The following SUGCT variants were observed in gnomAD, a reference collection of about 807,000 sequenced individuals.
SUGCT encodes succinyl-CoA:glutarate-CoA transferase.
In SUGCT, 41 loss-of-function variants were observed where a neutral mutation model predicts 55.0. The ratio of observed to expected loss-of-function variants is 0.74; its 90% CI spans 0.58 to 0.97. SUGCT has a LOEUF of 0.97. Among genes scored for constraint, SUGCT ranks in the 50% least tolerant of loss-of-function variants. The pLI, the probability that SUGCT is intolerant of heterozygous loss-of-function variation, is 0.00. For synonymous variants in SUGCT, 187 were observed against 200.4 expected, an observed-to-expected ratio of 0.93 and a Z score of 0.56; for missense variants, 568 against 547.8, an observed-to-expected ratio of 1.04 and a Z score of -0.37.
the SUGCT span, among the ~76,000 whole-genome samples, chr7:40,951,609 C>G: frequency 1.3e-5 from 2 of 152,084 alleles, no homozygotes; most frequent in African/African-American, 4.8e-5. Context: ...AAATTTCCCT[C>G]TACACACTTC....
chr7:40,952,822 A>T, the SUGCT span, among the ~76,000 whole-genome samples: 50,605 of 152,006 alleles, frequency 0.33, 9,144 homozygotes, highest in Admixed American at 0.45. Context: ...TGACAGATCC[A>T]CTGTTAGTCT....
chr7:40,806,643 C>A (rs1791108416), intron 13 of SUGCT, among the ~76,000 whole-genome samples: 1 of 152,130 alleles, frequency 6.6e-6, no homozygotes, highest in Non-Finnish European at 1.5e-5. Context: ...AAATCAGGTT[C>A]TAATTTCCAC....
At chr7:40,839,188 T>C (rs1793149893) in intron 13 of SUGCT, among the ~76,000 whole-genome samples, 1 of 152,166 alleles carries the variant, frequency 6.6e-6, no homozygotes, top group Non-Finnish European at 1.5e-5. Context: ...CATAAGATTA[T>C]GAGATATGTT....
chr7:41,010,482 C>T, the SUGCT span, among the ~76,000 whole-genome samples: 2 of 152,226 alleles, frequency 1.3e-5, no homozygotes, highest in African/African-American at 4.8e-5. Flanking sequence ...TGTTCCTTCT[C>T]TGTAGACCAG....
At chr7:40,267,356 G>A (rs1387001108) in intron 7 of SUGCT, among the ~76,000 whole-genome samples, 1 of 152,052 alleles carries the variant, frequency 6.6e-6, no homozygotes, top group Admixed American at 6.6e-5. Context: ...AATAAAAATT[G>A]TACTATCAAT....
At chr7:40,621,545 C>T (rs879375027) in intron 12 of SUGCT, among the ~76,000 whole-genome samples, 5 of 152,128 alleles carry the variant, frequency 3.3e-5, no homozygotes, top group Admixed American at 3.3e-4. Context: ...AGGCTGGTGT[C>T]GGCCTGCAGA....
chr7:40,930,010 A>T, the SUGCT span, among the ~76,000 whole-genome samples: 5,750 of 152,198 alleles, frequency 0.038, 135 homozygotes, highest in South Asian at 0.074. Flanking sequence ...CTATGTCCTG[A>T]ATGGTATTGC....
chr7:40,728,074 T>G (rs908032219), intron 12 of SUGCT, among the ~76,000 whole-genome samples: 2 of 152,232 alleles, frequency 1.3e-5, no homozygotes, highest in African/African-American at 4.8e-5. Context: ...TTAAAAAAGA[T>G]GAAGAATATT....
intron 9 of SUGCT, among the ~76,000 whole-genome samples, chr7:40,364,127 G>A (rs1448964485): frequency 1.3e-5 from 2 of 150,754 alleles, no homozygotes; most frequent in South Asian, 4.2e-4. Flanking sequence ...TCCGAGACTA[G>A]GATTGAAACC....
At chr7:40,883,699 T>C in the SUGCT span, among the ~76,000 whole-genome samples, 2 of 152,240 alleles carry the variant, frequency 1.3e-5, no homozygotes, top group East Asian at 1.9e-4. Context: ...GGTGGGACTT[T>C]CCAGGATGTA....
chr7:40,619,229 A>G (rs1376703377), intron 12 of SUGCT, among the ~76,000 whole-genome samples: 1 of 152,224 alleles, frequency 6.6e-6, no homozygotes, highest in Non-Finnish European at 1.5e-5. Context: ...ATTTTAATAG[A>G]ACTATTTTAA....
chr7:40,758,874 A>G (rs920776098), intron 13 of SUGCT, among the ~76,000 whole-genome samples: 5 of 152,106 alleles, frequency 3.3e-5, no homozygotes, highest in Admixed American at 3.3e-4. Context: ...CAATTAGTCT[A>G]ATCTGCTTAC....
At chr7:40,975,187 C>T in the SUGCT span, among the ~76,000 whole-genome samples, 9 of 152,160 alleles carry the variant, frequency 5.9e-5, no homozygotes, top group Non-Finnish European at 1.2e-4. Flanking sequence ...TATACATTTC[C>T]CTTCAAGAAA....
At chr7:40,827,651 G>C (rs1792384131) in intron 13 of SUGCT, among the ~76,000 whole-genome samples, 1 of 152,132 alleles carries the variant, frequency 6.6e-6, no homozygotes, top group Non-Finnish European at 1.5e-5. Context: ...TCCAGGCCTG[G>C]AGCTTCGGGC....
the SUGCT span, among the ~76,000 whole-genome samples, chr7:40,977,714 G>T: frequency 6.6e-6 from 1 of 152,100 alleles, no homozygotes; most frequent in African/African-American, 2.4e-5. Flanking sequence ...ATCAGATAAG[G>T]TTATTTTCCT....
chr7:40,745,443 G>T (rs1056685035), intron 12 of SUGCT, among the ~76,000 whole-genome samples: 3 of 151,766 alleles, frequency 2.0e-5, no homozygotes, highest in Non-Finnish European at 4.4e-5. Context: ...TATTTCCCAC[G>T]TTACTTTAAG....
intron 9 of SUGCT, among the ~76,000 whole-genome samples, chr7:40,409,884 T>A (rs1243758753): frequency 6.6e-6 from 1 of 152,150 alleles, no homozygotes. Context: ...TTAGAGTTGA[T>A]CTGTTCATCA....
intron 13 of SUGCT, among the ~76,000 whole-genome samples, chr7:40,812,562 G>T (rs909664372): frequency 1.2e-4 from 19 of 152,074 alleles, no homozygotes; most frequent in African/African-American, 4.6e-4. Context: ...TATGAGATCA[G>T]TTGTAATGTC....
At chr7:40,323,716 A>G (rs977838402) in intron 9 of SUGCT, among the ~76,000 whole-genome samples, 5 of 152,200 alleles carry the variant, frequency 3.3e-5, no homozygotes, top group African/African-American at 9.7e-5. Flanking sequence ...ATCAATGACT[A>G]TAGCTTTGCC....
Sources: allele counts gnomAD v4.1 joint callset (sites outside exome capture counted in the v4.1 genomes callset), GRCh38; gene constraint gnomAD v4.1.1; transcripts MANE v1.5; gene names NCBI Gene and HGNC (gene_info 2026-07-23, HGNC 2026-07-21).